The following PLD5 variants were observed in gnomAD, a reference collection of about 807,000 sequenced individuals.
PLD5 encodes inactive phospholipase D5.
In PLD5, 36 loss-of-function variants were observed where a neutral mutation model predicts 61.1. The observed-to-expected ratio is 0.59, with a 90% CI of 0.45 to 0.78. PLD5 has a LOEUF of 0.78. PLD5 is among the 30% of genes least tolerant of loss of function. The pLI is 0.00. For missense variants in PLD5, 515 were observed against 644.4 expected, an observed-to-expected ratio of 0.80 and a Z score of 2.17; for synonymous variants, 243 against 242.8, an observed-to-expected ratio of 1.00 and a Z score of -0.01.
intron 4 of PLD5, among the ~76,000 whole-genome samples, chr1:242,234,835 G>A (rs1016502498): frequency 2.6e-5 from 4 of 152,106 alleles, no homozygotes; most frequent in African/African-American, 9.7e-5. Context: ...GGAGGGAGGT[G>A]AGAGAAAGGC....
chr1:242,509,167 G>A (rs549244030), intron 1 of PLD5, among the ~76,000 whole-genome samples: 65 of 151,872 alleles, frequency 4.3e-4, no homozygotes, highest in Middle Eastern at 3.4e-3. Context: ...GCCTGAGCTC[G>A]AGAGTTTGAG....
intron 5 of PLD5, among the ~76,000 whole-genome samples, chr1:242,185,300 C>G (rs316835): frequency 4.0e-5 from 6 of 151,770 alleles, no homozygotes; most frequent in Non-Finnish European, 7.4e-5. Context: ...ACAACAACAA[C>G]AAGAAACTAA....
chr1:242,201,014 T>C (rs1358250040), intron 5 of PLD5, among the ~76,000 whole-genome samples: 2 of 152,140 alleles, frequency 1.3e-5, no homozygotes, highest in African/African-American at 4.8e-5. Flanking sequence ...AATTCAGAAG[T>C]GGATGAGTAT....
intron 4 of PLD5, among the ~76,000 whole-genome samples, chr1:242,229,557 T>A (rs1191348645): frequency 6.6e-6 from 1 of 152,206 alleles, no homozygotes; most frequent in African/African-American, 2.4e-5. Context: ...AGAATTGACA[T>A]ATGTATGTGG....
intron 1 of PLD5, among the ~76,000 whole-genome samples, chr1:242,511,123 C>T (rs912032016): frequency 6.6e-6 from 1 of 152,004 alleles, no homozygotes; most frequent in African/African-American, 2.4e-5. Context: ...CATGTCCAAG[C>T]GACACAGGGG....
intron 5 of PLD5, among the ~76,000 whole-genome samples, chr1:242,159,900 G>A (rs929675400): frequency 2.0e-5 from 3 of 151,946 alleles, no homozygotes; most frequent in Non-Finnish European, 4.4e-5. Flanking sequence ...TCTAAGATTG[G>A]GTGCTATTTC....
At chr1:242,234,909 AC>A (rs1671540365) in intron 4 of PLD5, among the ~76,000 whole-genome samples, 1 of 151,486 alleles carries the variant, frequency 6.6e-6, no homozygotes, top group South Asian at 2.1e-4. Context: ...GAGGGCCCTG[AC>A]ATCCGACTTC....
intron 1 of PLD5, among the ~76,000 whole-genome samples, chr1:242,490,612 C>T (rs897503413): frequency 4.6e-5 from 7 of 152,178 alleles, no homozygotes; most frequent in African/African-American, 1.4e-4. Context: ...AACTTGATTT[C>T]TAAAACACTG....
At chr1:242,435,680 T>C (rs1665959255) in intron 1 of PLD5, among the ~76,000 whole-genome samples, 1 of 152,190 alleles carries the variant, frequency 6.6e-6, no homozygotes, top group South Asian at 2.1e-4. Flanking sequence ...GACCAGAGGC[T>C]TGGAGAAGCC....
intron 1 of PLD5, among the ~76,000 whole-genome samples, chr1:242,465,935 G>A (rs1344560302): frequency 6.6e-6 from 1 of 151,948 alleles, no homozygotes; most frequent in Admixed American, 6.6e-5. Context: ...GCTCATGGAG[G>A]GAAAGAAAAC....
chr1:242,093,552 T>C (rs905165675), intron 9 of PLD5, among the ~76,000 whole-genome samples: 26 of 152,148 alleles, frequency 1.7e-4, no homozygotes, highest in African/African-American at 6.3e-4. Context: ...GGTTAAGTAA[T>C]TTGTCCAAAG....
At chr1:242,469,253 G>A (rs752276975) in intron 1 of PLD5, among the ~76,000 whole-genome samples, 2 of 152,210 alleles carry the variant, frequency 1.3e-5, no homozygotes, top group Non-Finnish European at 2.9e-5. Context: ...GAGAAGCTGT[G>A]CCTACATTCT....
intron 3 of PLD5, among the ~76,000 whole-genome samples, chr1:242,280,492 A>G (rs538398594): frequency 6.6e-6 from 1 of 152,306 alleles, no homozygotes; most frequent in African/African-American, 2.4e-5. Context: ...ACTAGACGGT[A>G]GGAAGTTTGC....
At chr1:242,380,266 G>A (rs546134500) in intron 1 of PLD5, among the ~76,000 whole-genome samples, 1 of 152,274 alleles carries the variant, frequency 6.6e-6, no homozygotes, top group East Asian at 1.9e-4. Context: ...GAGTAACAAT[G>A]TGCTCTTTTC....
In PLD5 at chr1:242,524,404, C is replaced by G; in HGVS notation, c.-128G>C. On this transcript the variant is annotated 5_prime_UTR_variant, in exon 1 of 10. Transcript: ENST00000536534. ...GGAGCTGGAGACTGAGCTGGAGGAG[C>G]TGGAGGAGCGAGCGGGCGCGGGGAG... 1.1e-6 allele frequency: 1 copy of G among 942,814 alleles called. No homozygotes were observed. Among genetic ancestry groups the G allele is most frequent in the African/African-American group, 1.7e-5 (1 of 57,612 alleles). 58.4% of individuals were successfully genotyped at this position (942,814 alleles called of 1,614,324 possible).
chr1:242,424,934 C>T (rs564536950), intron 1 of PLD5, among the ~76,000 whole-genome samples: 1 of 152,100 alleles, frequency 6.6e-6, no homozygotes, highest in South Asian at 2.1e-4. Flanking sequence ...GAGTTCAAGA[C>T]CAGCCTGGCC....
chr1:242,372,389 T>A (rs563399655), intron 1 of PLD5, among the ~76,000 whole-genome samples: 2 of 152,252 alleles, frequency 1.3e-5, no homozygotes, highest in African/African-American at 4.8e-5. Context: ...ACAGATTCAA[T>A]GCCATCCCCA....
intron 4 of PLD5, among the ~76,000 whole-genome samples, chr1:242,225,703 G>A (rs1670899092): frequency 1.3e-5 from 2 of 152,248 alleles, no homozygotes; most frequent in Non-Finnish European, 2.9e-5. Context: ...GTGTGGAACA[G>A]TGGTTTGTTT....
intron 2 of PLD5, among the ~76,000 whole-genome samples, chr1:242,346,401 G>A (rs1023354760): frequency 2.0e-4 from 31 of 152,052 alleles, no homozygotes; most frequent in Admixed American, 3.3e-4. Context: ...CTAGGTGTTC[G>A]AGTTTGCATT....
Sources: gnomAD v4.1 joint callset for allele counts (sites outside exome capture counted in the v4.1 genomes callset) on GRCh38, gnomAD v4.1.1 for gene constraint, MANE v1.5 for transcripts, NCBI Gene and HGNC (gene_info 2026-07-23, HGNC 2026-07-21) for gene names.